USP53: variants seen among roughly 807,000 people sequenced by gnomAD.
USP53 encodes the protein ubiquitin specific peptidase 53.
USP53 carries 71 observed loss-of-function variants against 94.9 expected under a neutral mutation model. That is an observed-to-expected ratio of 0.75 (90% CI 0.62 to 0.91). The LOEUF is 0.91. Among genes scored for constraint, USP53 ranks in the 40% least tolerant of loss-of-function variants. The probability of loss-of-function intolerance (pLI) is 0.00; values close to 1 mark genes in which losing one functional copy is unlikely to be tolerated. For synonymous variants in USP53, 375 were observed against 422.7 expected (o/e 0.89, Z 1.39); for missense variants, 1,173 against 1,281.0 (o/e 0.92, Z 1.29).
intron 17 of USP53, among the ~76,000 whole-genome samples, chr4:119,281,392 C>G (rs1317258335): frequency 3.9e-5 from 6 of 152,090 alleles, no homozygotes; most frequent in Non-Finnish European, 7.4e-5. Context: ...CTTTGTTATG[C>G]TTAAGGCTTT....
intron 17 of USP53, among the ~76,000 whole-genome samples, chr4:119,286,388 C>T (rs1469282744): frequency 2.0e-5 from 3 of 150,978 alleles, no homozygotes; most frequent in Non-Finnish European, 4.4e-5. Context: ...TGTGTCAAAG[C>T]GTTAAAATTG....
chr4:119,225,726 G>A (rs1200526210), intron 3 of USP53, among the ~76,000 whole-genome samples: 2 of 151,914 alleles, frequency 1.3e-5, no homozygotes, highest in African/African-American at 2.4e-5. Context: ...GCGACACAGC[G>A]AGACACTGTC....
At position 119,256,358 on chromosome 4, in the gene USP53, A is replaced by T. The variant is rs1561267696; in HGVS notation, c.485A>T (p.Gln162Leu). Residue 162 changes from glutamine (Q) to leucine (L), a missense_variant and splice_region_variant, in exon 8 of 19, where the codon CAG becomes CTG. Gln to Leu is a moderately radical substitution (Grantham distance 113). Transcript: ENST00000692078. ...AAGTTTGCTATGACTCTGTATGAACAGGTGAGATGGCTTGATTATTATTTA... is the reference window on the plus strand; with the variant it reads ...AAGTTTGCTATGACTCTGTATGAACTGGTGAGATGGCTTGATTATTATTTA... ...HQKFAMTLYEQCVCRSCGASS... is the reference protein window; with the variant it reads ...HQKFAMTLYELCVCRSCGASS... 6.2e-7 allele frequency: 1 copy of T among 1,613,716 alleles called. No individual in the cohort carries two copies. Among genetic ancestry groups the T allele is most frequent in the Non-Finnish European group, 8.5e-7 (1 of 1,179,664 alleles).
chr4:119,254,584 G>A (rs953538558), intron 7 of USP53, among the ~76,000 whole-genome samples: 77 of 152,184 alleles, frequency 5.1e-4, no homozygotes, highest in African/African-American at 1.8e-3. Context: ...GTTATTTAAG[G>A]TCTTCTCTAC....
At chr4:119,216,537 T>C (rs1243205333) in intron 2 of USP53, among the ~76,000 whole-genome samples, 2 of 152,192 alleles carry the variant, frequency 1.3e-5, no homozygotes, top group Non-Finnish European at 2.9e-5. Flanking sequence ...TTTCTCCTTC[T>C]CTCCTTTCTA....
chr4:119,216,966 G>A (rs1376333224), intron 2 of USP53, among the ~76,000 whole-genome samples: 1 of 152,116 alleles, frequency 6.6e-6, no homozygotes, highest in Non-Finnish European at 1.5e-5. Flanking sequence ...GAATGCCTAT[G>A]TTTTGGCCAT....
rs1008736295 is a variant in USP53, at chr4:119,271,825, C to T, written c.1965C>T (p.Ser655=). The part of the protein sequence containing the change: ...EMKQEIGSRS[S]LESNGKGAEK... ...AGCAGGAAATAGGAAGCAGAAGTTCCCTTGAATCTAATGGAAAAGGAGCAG... is the reference window on the plus strand; with the variant it reads ...AGCAGGAAATAGGAAGCAGAAGTTCTCTTGAATCTAATGGAAAAGGAGCAG... Residue 655 remains serine, a synonymous_variant, in exon 16 of 19, where the codon TCC becomes TCT. Coordinates refer to ENST00000692078, the MANE Select transcript of USP53 (RefSeq NM_001371395.1). 6.8e-6 allele frequency: 11 copies of T among 1,612,652 alleles called. No individual in the cohort carries two copies. In the African/African-American group the frequency reaches 1.5e-4, roughly 22 times the overall value.
In USP53 at chr4:119,273,682, C is replaced by A. The variant is rs767960096; in HGVS notation, c.2225C>A (p.Ser742Tyr). ...AATAAAGAACGTGGGGACTGTACCT[C>A]CCTTCAGAGCCAACATCACTTAGAA... is the stretch of plus-strand genomic sequence containing the variant. ...NLNKERGDCTSLQSQHHLEGF... is the reference protein window; with the variant it reads ...NLNKERGDCTYLQSQHHLEGF... Residue 742 changes from serine (S) to tyrosine (Y), a missense_variant, in exon 17 of 19, where the codon TCC becomes TAC. Physicochemically the swap from Ser to Tyr is moderately radical, Grantham distance 144. Transcript: ENST00000692078. The A allele has an allele frequency of 1.2e-6, 2 of 1,612,052 alleles. No individual in the cohort carries two copies. The highest frequency in any genetic ancestry group is 1.7e-6 in the Non-Finnish European group (2 of 1,178,828).
rs1578392536 is a variant in USP53, at chr4:119,214,241, T to A, written c.-789+19T>A. 3 of 152,110 alleles carry A rather than the reference T, an allele frequency of 2.0e-5. No individual in the cohort carries two copies. Among genetic ancestry groups the A allele is most frequent in the Non-Finnish European group, 4.4e-5 (3 of 68,012 alleles). The allele number at this position is 152,110 out of a possible 1,614,324, so 9.4% of individuals were successfully genotyped here. ...ACTCGGTGTAAGTAGGAGTTAATTA[T>A]AGTCTGAGAAATAAGGTTTTTGTTT... On this transcript the variant is annotated intron_variant, in intron 2 of 18. Coordinates refer to ENST00000692078, the MANE Select transcript of USP53 (RefSeq NM_001371395.1).
At chr4:119,236,953 C>G (rs1305917228) in intron 4 of USP53, among the ~76,000 whole-genome samples, 1 of 152,158 alleles carries the variant, frequency 6.6e-6, no homozygotes, top group Non-Finnish European at 1.5e-5. Context: ...GAATCTCTTT[C>G]TGTGGCAGCT....
At chr4:119,228,201 A>G (rs977973292) in intron 3 of USP53, among the ~76,000 whole-genome samples, 1 of 152,164 alleles carries the variant, frequency 6.6e-6, no homozygotes, top group African/African-American at 2.4e-5. Flanking sequence ...TGGAGGCCCT[A>G]AGGAAGAAGA....
intron 17 of USP53, among the ~76,000 whole-genome samples, chr4:119,289,368 G>A (rs539636075): frequency 6.6e-5 from 10 of 152,110 alleles, no homozygotes; most frequent in South Asian, 4.1e-4. Flanking sequence ...TTGTTTTTGC[G>A]TCATCAGTGT....
At chr4:119,287,784 T>A (rs1754284337) in intron 17 of USP53, among the ~76,000 whole-genome samples, 1 of 152,190 alleles carries the variant, frequency 6.6e-6, no homozygotes, top group Admixed American at 6.5e-5. Flanking sequence ...AGTGGCCTAG[T>A]TTCATCAGAA....
intron 1 of USP53, among the ~76,000 whole-genome samples, chr4:119,213,621 A>C (rs12648052): frequency 0.34 from 46,641 of 135,866 alleles, 8,110 homozygotes; most frequent in African/African-American, 0.39. Flanking sequence ...GTTTTCCGAA[A>C]GTTTCCTTAT....
intron 17 of USP53, among the ~76,000 whole-genome samples, chr4:119,282,366 A>T (rs1256879249): frequency 1.3e-5 from 2 of 151,970 alleles, no homozygotes; most frequent in African/African-American, 2.4e-5. Context: ...TGGTGGTTAT[A>T]TGTTTAATGT....
At chr4:119,263,302 C>G (rs976292687) in intron 12 of USP53, among the ~76,000 whole-genome samples, 4 of 152,148 alleles carry the variant, frequency 2.6e-5, no homozygotes, top group South Asian at 4.1e-4. Context: ...ATAATTACCC[C>G]CTGCTTACTG....
intron 7 of USP53, among the ~76,000 whole-genome samples, chr4:119,250,041 T>C (rs571570811): frequency 6.6e-6 from 1 of 152,294 alleles, no homozygotes; most frequent in African/African-American, 2.4e-5. Context: ...AATATTTCTG[T>C]GATTTAAATC....
chr4:119,256,303 T>C lies in USP53; in HGVS notation c.430T>C (p.Cys144Arg). The C allele has an allele frequency of 6.2e-7, 1 of 1,614,038 alleles. No individual in the cohort carries two copies. The highest frequency in any genetic ancestry group is 8.5e-7 in the Non-Finnish European group (1 of 1,179,976). Residue 144 changes from cysteine (C) to arginine (R), a missense_variant, in exon 8 of 19, where the codon TGT becomes CGT. Cys to Arg is a radical substitution (Grantham distance 180, BLOSUM62 -3). Transcript: ENST00000692078. ...HIVPSRDADM[C>R]TSKSCITHQK... ...AGTGCCAAGCAGAGATGCAGACATG[T>C]GTACCTCTAAATCTTGTATCACTCA...
chr4:119,250,891 G>T (rs1431599773), intron 7 of USP53, among the ~76,000 whole-genome samples: 10 of 134,366 alleles, frequency 7.4e-5, no homozygotes, highest in South Asian at 2.5e-4. Context: ...AGACTACCTA[G>T]ATGATTCAAG....
Sources: gnomAD v4.1 joint callset for allele counts (sites outside exome capture counted in the v4.1 genomes callset) on GRCh38, gnomAD v4.1.1 for gene constraint, MANE v1.5 for transcripts, NCBI Gene and HGNC (gene_info 2026-07-23, HGNC 2026-07-21) for gene names.